The following TMA16 variants were observed in gnomAD, a reference collection of about 807,000 sequenced individuals.
TMA16 encodes translation machinery associated 16 homolog.
Under a neutral mutation model 27.1 loss-of-function variants are expected in TMA16, and 26 were observed. The observed-to-expected ratio is 0.96, with a 90% CI of 0.70 to 1.33. TMA16 has a LOEUF of 1.33. TMA16 is among the 40% of genes most tolerant of loss of function. The pLI, the probability that TMA16 is intolerant of heterozygous loss-of-function variation, is 0.00. For missense variants in TMA16, 233 were observed against 241.4 expected (o/e 0.97, Z 0.23); for synonymous variants, 71 against 81.9 (o/e 0.87, Z 0.72).
At chr4:163,500,125 A>C (rs1441736528) in intron 1 of TMA16, among the ~76,000 whole-genome samples, 1 of 152,214 alleles carries the variant, frequency 6.6e-6, no homozygotes, top group African/African-American at 2.4e-5. Flanking sequence ...TGGAGATCCC[A>C]AAACTGACTT....
In TMA16 at chr4:163,519,215, C is replaced by T. The variant is rs1441722; in HGVS notation, c.432-119C>T. On this transcript the variant is annotated intron_variant, in intron 6 of 6. Coordinates refer to ENST00000358572, the MANE Select transcript of TMA16 (RefSeq NM_018352.3). ...ATTTGTGCCTAATATTTTCCTTTAA[C>T]GCTTTTGAAGTTTTGAATATGTAGG... 546,754 of 877,428 alleles carry T rather than the reference C, an allele frequency of 0.62. 171,747 individuals carry two copies. The highest frequency in any genetic ancestry group is 0.74 in the Admixed American group (19,503 of 26,522). 54.4% of individuals were successfully genotyped at this position (877,428 alleles called of 1,614,324 possible).
At chr4:163,514,583 T>C (rs1180223612) in intron 4 of TMA16, among the ~76,000 whole-genome samples, 1 of 152,194 alleles carries the variant, frequency 6.6e-6, no homozygotes, top group Non-Finnish European at 1.5e-5. Flanking sequence ...AAGTGATAGC[T>C]AGCTCATGAA....
intron 2 of TMA16, among the ~76,000 whole-genome samples, chr4:163,510,425 T>C (rs1737777396): frequency 6.6e-6 from 1 of 152,220 alleles, no homozygotes; most frequent in Non-Finnish European, 1.5e-5. Context: ...ACTAATTTGC[T>C]CTTTATTTTG....
intron 1 of TMA16, among the ~76,000 whole-genome samples, chr4:163,505,588 T>C (rs1391846581): frequency 6.6e-6 from 1 of 152,226 alleles, no homozygotes; most frequent in Non-Finnish European, 1.5e-5. Flanking sequence ...CAAGAAGTTA[T>C]GAAATAGCTT....
chr4:163,498,081 A>G (rs997265741), intron 1 of TMA16, among the ~76,000 whole-genome samples: 1 of 152,084 alleles, frequency 6.6e-6, no homozygotes, highest in African/African-American at 2.4e-5. Context: ...GTACATATAG[A>G]TCCACTTCTT....
intron 2 of TMA16, among the ~76,000 whole-genome samples, chr4:163,512,019 T>C (rs1481181679): frequency 6.6e-6 from 1 of 152,056 alleles, no homozygotes; most frequent in East Asian, 1.9e-4. Flanking sequence ...CTATCTTTTT[T>C]TTTTTTTAAT....
Position 163,514,007 on chromosome 4 carries a change from TAATG to T in TMA16, c.155-63_155-60del. On this transcript the variant is annotated intron_variant, in intron 3 of 6. Transcript: ENST00000358572. ...TTAAACACGTTAATGTTGAAAATGA[TAATG>T]AATATTTACTTGCTTAAATGATGAC... The T allele has an allele frequency of 8.2e-6, 10 of 1,218,270 alleles. 1 individual carries two copies. The South Asian group carries it at 1.4e-4, about 17-fold the overall frequency. The allele number at this position is 1,218,270 out of a possible 1,614,324, so 75.5% of individuals were successfully genotyped here. A position where few individuals can be genotyped will look rare whatever the true frequency, so the allele number is the denominator to read the frequency against.
At chr4:163,507,607 C>T (rs1343075950) in intron 2 of TMA16, among the ~76,000 whole-genome samples, 3 of 151,838 alleles carry the variant, frequency 2.0e-5, no homozygotes, top group Admixed American at 1.3e-4. Context: ...AATTTGGGAG[C>T]GATCAGCATC....
chr4:163,494,760 G>A lies in TMA16; in HGVS notation c.-42G>A, dbSNP rs569380737. On this transcript the variant is annotated 5_prime_UTR_variant, in exon 1 of 7. Coordinates refer to ENST00000358572, the MANE Select transcript of TMA16 (RefSeq NM_018352.3). ...TCCTGCGGTTGGTGAGATTACCTGG[G>A]TCTAGAGTGCGGAGCTGCTCCGTGG... The A allele has an allele frequency of 1.7e-5, 27 of 1,613,122 alleles. No homozygotes were observed. The South Asian group carries it at 2.6e-4, about 16-fold the overall frequency.
chr4:163,519,644 G>T lies in TMA16; in HGVS notation c.*130G>T. On this transcript the variant is annotated 3_prime_UTR_variant, in exon 7 of 7. Transcript: ENST00000358572. The stretch of plus-strand genomic sequence containing the variant: ...CTTATATGATGAGAGTTTCATTTGC[G>T]TTTCAAAAATGGTGTTATGATACTT... The T allele has an allele frequency of 5.4e-6, 5 of 928,086 alleles. No homozygotes were observed. Among genetic ancestry groups the T allele is most frequent in the Non-Finnish European group, 6.2e-6 (4 of 645,562 alleles). 57.5% of individuals were successfully genotyped at this position (928,086 alleles called of 1,614,324 possible).
intron 3 of TMA16, 45 bp downstream of exon 3, chr4:163,512,904 A>C (rs1227495747): frequency 1.4e-6 from 2 of 1,464,180 alleles, no homozygotes; most frequent in South Asian, 1.3e-5. Context: ...AGTATAGGGC[A>C]TTTCTGCCCT....
intron 1 of TMA16, among the ~76,000 whole-genome samples, chr4:163,504,830 G>A (rs1262936949): frequency 6.6e-6 from 1 of 152,142 alleles, no homozygotes; most frequent in African/African-American, 2.4e-5. Flanking sequence ...CTGTTGGTAG[G>A]ATTGTTAAGC....
At chr4:163,512,204 G>A (rs758140233) in intron 2 of TMA16, among the ~76,000 whole-genome samples, 2 of 152,020 alleles carry the variant, frequency 1.3e-5, no homozygotes, top group Non-Finnish European at 2.9e-5. Flanking sequence ...CAGGGACAGT[G>A]AATTTTTTTT....
At chr4:163,504,501 T>C (rs778959660) in intron 1 of TMA16, among the ~76,000 whole-genome samples, 4 of 151,942 alleles carry the variant, frequency 2.6e-5, no homozygotes, top group Non-Finnish European at 4.4e-5. Context: ...CTTCTTTTTG[T>C]TGTTGTTTTG....
In TMA16 at chr4:163,494,767, G is replaced by A; in HGVS notation, c.-35G>A. On this transcript the variant is annotated 5_prime_UTR_variant, in exon 1 of 7. The change creates a new upstream start codon in the 5' untranslated region. Coordinates refer to ENST00000358572, the MANE Select transcript of TMA16 (RefSeq NM_018352.3). ...GTTGGTGAGATTACCTGGGTCTAGA[G>A]TGCGGAGCTGCTCCGTGGCCACGAG... 1 of 1,613,104 alleles carries A rather than the reference G, an allele frequency of 6.2e-7. No individual in the cohort carries two copies. Among genetic ancestry groups the A allele is most frequent in the African/African-American group, 1.3e-5 (1 of 75,062 alleles).
At chr4:163,500,649 A>T (rs561878189) in intron 1 of TMA16, among the ~76,000 whole-genome samples, 1 of 152,322 alleles carries the variant, frequency 6.6e-6, no homozygotes, top group South Asian at 2.1e-4. Context: ...AATGCCTCTG[A>T]CAGGGACTGG....
At chr4:163,507,191 C>G in intron 2 of TMA16, 46 bp downstream of exon 2, 1 of 1,471,074 alleles carries the variant, frequency 6.8e-7, no homozygotes, top group South Asian at 1.2e-5. Context: ...TAAAAAGCCC[C>G]TTTATACTTT....
chr4:163,519,615 T>G lies in TMA16; in HGVS notation c.*101T>G. On this transcript the variant is annotated 3_prime_UTR_variant, in exon 7 of 7. Coordinates refer to ENST00000358572, the MANE Select transcript of TMA16 (RefSeq NM_018352.3). ...ATGATACAAAAATTTGATACTGACA[T>G]TCTCTTATATGATGAGAGTTTCATT... is the stretch of plus-strand genomic sequence containing the variant. 1 of 1,120,244 alleles carries G rather than the reference T, an allele frequency of 8.9e-7. No individual in the cohort carries two copies. The highest frequency in any genetic ancestry group is 3.5e-5 in the Admixed American group (1 of 28,412). 69.4% of individuals were successfully genotyped at this position (1,120,244 alleles called of 1,614,324 possible). A position where few individuals can be genotyped will look rare whatever the true frequency, so the allele number is the denominator to read the frequency against.
intron 1 of TMA16, among the ~76,000 whole-genome samples, chr4:163,495,892 G>T (rs1027250063): frequency 1.3e-5 from 2 of 152,164 alleles, no homozygotes; most frequent in African/African-American, 4.8e-5. Flanking sequence ...CACTTTGCTT[G>T]TGGGATTTCC....
Sources: gnomAD v4.1 joint callset for allele counts (sites outside exome capture counted in the v4.1 genomes callset) on GRCh38, gnomAD v4.1.1 for gene constraint, MANE v1.5 for transcripts, NCBI Gene and HGNC (gene_info 2026-07-23, HGNC 2026-07-21) for gene names.